The following APP variants were observed in gnomAD, a reference collection of about 807,000 sequenced individuals.
The protein encoded by APP is amyloid-beta precursor protein.
Under a neutral mutation model 101.4 loss-of-function variants are expected in APP, and 31 were observed. The observed-to-expected ratio is 0.31, with a 90% CI of 0.23 to 0.41. APP has a LOEUF of 0.41. Among genes scored for constraint, APP ranks in the 10% least tolerant of loss-of-function variants. The pLI, the probability that APP is intolerant of heterozygous loss-of-function variation, is 1.00. For missense variants in APP, 839 were observed against 1,003.7 expected (o/e 0.84, Z 2.22); for synonymous variants, 366 against 364.4 (o/e 1.00, Z -0.05).
At chr21:26,122,657 T>C (rs1443026226) in intron 1 of APP, among the ~76,000 whole-genome samples, 3 of 151,946 alleles carry the variant, frequency 2.0e-5, no homozygotes, top group Admixed American at 6.6e-5. Context: ...TTTCATAAAA[T>C]GGTACTAACT....
chr21:26,115,282 A>C (rs1468337991), intron 1 of APP, among the ~76,000 whole-genome samples: 1 of 151,396 alleles, frequency 6.6e-6, no homozygotes, highest in African/African-American at 2.4e-5. Context: ...CTTCACAAAT[A>C]AATATCAACT....
intron 7 of APP, among the ~76,000 whole-genome samples, chr21:25,998,433 C>T (rs2043141756): frequency 6.6e-6 from 1 of 151,454 alleles, no homozygotes; most frequent in East Asian, 1.9e-4. Flanking sequence ...AGTTCCTACA[C>T]CTGTTCACAC....
chr21:25,901,295 T>TCAAAAAA lies in APP; in HGVS notation c.1964-3623_1964-3622insTTTTTTG, dbSNP rs1254373475. Among the ~76,000 whole-genome samples, 35 of 75,264 alleles carry TCAAAAAA rather than the reference T, an allele frequency of 4.7e-4. 2 individuals carry two copies. Among genetic ancestry groups the TCAAAAAA allele is most frequent in the Middle Eastern group, 7.8e-3 (1 of 128 alleles). The allele number at this position is 75,264 out of a possible 152,430, so 49.4% of individuals were successfully genotyped here. ...CCTGGAAACAGAGACAAATCCTGTT[T>TCAAAAAA]TAAAAAAAAAAAAAAAAAAAAAACA... is the stretch of plus-strand genomic sequence containing the variant. On this transcript the variant is annotated intron_variant, in intron 15 of 17. Transcript: ENST00000346798.
intron 6 of APP, among the ~76,000 whole-genome samples, chr21:26,007,376 T>C (rs1257199332): frequency 6.8e-6 from 1 of 147,406 alleles, no homozygotes; most frequent in Non-Finnish European, 1.5e-5. Flanking sequence ...TATAATATAT[T>C]AGATTATAAT....
At chr21:26,097,685 G>A (rs2061974732) in intron 2 of APP, among the ~76,000 whole-genome samples, 1 of 152,142 alleles carries the variant, frequency 6.6e-6, no homozygotes, top group African/African-American at 2.4e-5. Flanking sequence ...GGCTAATGGG[G>A]CCCATTCAGT....
intron 3 of APP, among the ~76,000 whole-genome samples, chr21:26,088,621 T>G (rs888329725): frequency 9.9e-5 from 15 of 152,202 alleles, no homozygotes; most frequent in African/African-American, 3.6e-4. Flanking sequence ...ACTAAGTGAG[T>G]ATAAAATACA....
intron 8 of APP, among the ~76,000 whole-genome samples, chr21:25,992,157 T>A (rs1366558190): frequency 6.6e-6 from 1 of 152,178 alleles, no homozygotes; most frequent in African/African-American, 2.4e-5. Context: ...CCGAAGCTGG[T>A]GGATCACTTC....
chr21:25,938,488 T>G (rs1262431066), intron 13 of APP, among the ~76,000 whole-genome samples: 1 of 152,108 alleles, frequency 6.6e-6, no homozygotes, highest in Admixed American at 6.5e-5. Flanking sequence ...ATAACAAGTT[T>G]CTAAGAATCC....
At chr21:25,900,275 G>T (rs756120027) in intron 15 of APP, among the ~76,000 whole-genome samples, 2 of 148,340 alleles carry the variant, frequency 1.3e-5, no homozygotes, top group Non-Finnish European at 3.0e-5. Flanking sequence ...GCTCACGCCT[G>T]TAATCCCAGC....
chr21:26,092,730 C>T (rs1418009861), intron 2 of APP, among the ~76,000 whole-genome samples: 2 of 152,048 alleles, frequency 1.3e-5, no homozygotes. Flanking sequence ...AACAAATGTA[C>T]CATTCTGTGG....
intron 1 of APP, among the ~76,000 whole-genome samples, chr21:26,114,818 C>A (rs2062400815): frequency 6.6e-6 from 1 of 151,908 alleles, no homozygotes; most frequent in Non-Finnish European, 1.5e-5. Flanking sequence ...TGTATGCTGA[C>A]TATCAAAAAG....
chr21:25,987,314 G>C (rs920554225), intron 8 of APP, among the ~76,000 whole-genome samples: 3 of 152,128 alleles, frequency 2.0e-5, no homozygotes, highest in Non-Finnish European at 2.9e-5. Flanking sequence ...AGCTGGCTAG[G>C]TATGTTCCCC....
At chr21:26,136,714 T>C (rs951763649) in intron 1 of APP, among the ~76,000 whole-genome samples, 2 of 152,044 alleles carry the variant, frequency 1.3e-5, no homozygotes, top group African/African-American at 2.4e-5. Flanking sequence ...AGGCAGACAC[T>C]GGACCTAAAA....
At chr21:26,005,415 A>C (rs886561668) in intron 6 of APP, among the ~76,000 whole-genome samples, 1 of 152,194 alleles carries the variant, frequency 6.6e-6, no homozygotes, top group Non-Finnish European at 1.5e-5. Flanking sequence ...CTTGGTGTCA[A>C]AAAAAGAAAA....
intron 4 of APP, 108 bp downstream of exon 4, chr21:26,053,128 A>T: frequency 2.3e-6 from 2 of 885,192 alleles, no homozygotes. Flanking sequence ...TTTTTTTCTT[A>T]AATAACTTAT....
intron 17 of APP, among the ~76,000 whole-genome samples, chr21:25,883,947 C>T (rs1601255306): frequency 1.3e-5 from 2 of 151,960 alleles, no homozygotes; most frequent in African/African-American, 2.4e-5. Context: ...CAGGCAATCT[C>T]GGCTCACTGC....
intron 1 of APP, among the ~76,000 whole-genome samples, chr21:26,132,058 G>A (rs1327479175): frequency 6.6e-6 from 1 of 151,844 alleles, no homozygotes. Flanking sequence ...TGTAAACAGA[G>A]TCAGTTAAAA....
intron 2 of APP, 129 bp from the exon 3 acceptor site, chr21:26,090,201 G>C: frequency 7.2e-7 from 1 of 1,382,756 alleles, no homozygotes. Context: ...GACCAGAAGT[G>C]CTTTCAAGGT....
At chr21:26,157,305 A>C (rs1329650924) in intron 1 of APP, among the ~76,000 whole-genome samples, 1 of 152,064 alleles carries the variant, frequency 6.6e-6, no homozygotes, top group African/African-American at 2.4e-5. Context: ...CCTGACCTCA[A>C]GTGATCCACC....
Sources: allele counts gnomAD v4.1 joint callset (sites outside exome capture counted in the v4.1 genomes callset), GRCh38; gene constraint gnomAD v4.1.1; transcripts MANE v1.5; gene names NCBI Gene and HGNC (gene_info 2026-07-23, HGNC 2026-07-21).